The following EPDR1 variants were observed in gnomAD, a reference collection of about 807,000 sequenced individuals.
The protein encoded by EPDR1 is ependymin related 1.
A neutral mutation model predicts 23.7 loss-of-function variants in EPDR1; 27 were observed. That is an observed-to-expected ratio of 1.14 (90% CI 0.84 to 1.57). The LOEUF (loss-of-function observed/expected upper bound fraction) is 1.57, where lower values mean the gene tolerates loss of function less well. EPDR1 is among the 40% of genes most tolerant of loss of function. The pLI is 0.00. For missense variants in EPDR1, 349 were observed against 290.4 expected, an observed-to-expected ratio of 1.20 and a Z score of -1.47; for synonymous variants, 137 against 118.2, an observed-to-expected ratio of 1.16 and a Z score of -1.03.
rs1399603390 is a variant in EPDR1, at chr7:37,936,035, T to TAC, written c.270-12804_270-12803insCA. Among the ~76,000 whole-genome samples, 64 of 95,134 alleles carry TAC rather than the reference T, an allele frequency of 6.7e-4. 6 individuals carry two copies. The highest frequency in any genetic ancestry group is 2.0e-3 in the South Asian group (6 of 3,056). 62.4% of individuals were successfully genotyped at this position (95,134 alleles called of 152,430 possible). A position where few individuals can be genotyped will look rare whatever the true frequency, so the allele number is the denominator to read the frequency against. On this transcript the variant is annotated intron_variant, in intron 1 of 2. Coordinates refer to ENST00000199448, the MANE Select transcript of EPDR1 (RefSeq NM_017549.5). ...ATATATATATATATATATATATATATATATACACAAGGGAAATGTGAATCT... is the reference window on the plus strand; with the variant it reads ...ATATATATATATATATATATATATATACATATACACAAGGGAAATGTGAATCT...
chr7:37,950,146 A>G (rs537046780), intron 2 of EPDR1, 54 bp from the exon 3 acceptor site: 3 of 1,336,966 alleles, frequency 2.2e-6, no homozygotes, highest in Non-Finnish European at 2.1e-6. Context: ...AAGAAAAAAT[A>G]TGAACTTCTT....
At chr7:37,923,353 A>G (rs1188190755) in intron 1 of EPDR1, among the ~76,000 whole-genome samples, 2 of 152,206 alleles carry the variant, frequency 1.3e-5, no homozygotes, top group African/African-American at 2.4e-5. Flanking sequence ...AGGAAAATGT[A>G]CATGATTGGA....
Position 37,948,949 on chromosome 7 carries a change from A to C in EPDR1, c.379A>C (p.Ile127Leu). 6.2e-7 allele frequency: 1 copy of C among 1,614,138 alleles called. No individual in the cohort carries two copies. Among genetic ancestry groups the C allele is most frequent in the Middle Eastern group, 1.6e-4 (1 of 6,062 alleles). ...GACACAGCCCTGGGATCCTCTTGACATTCCTCAAAACTCCACCTTTGAAGA... is the reference window on the plus strand; with the variant it reads ...GACACAGCCCTGGGATCCTCTTGACCTTCCTCAAAACTCCACCTTTGAAGA... Reference protein sequence around the residue: ...TLTQPWDPLDIPQNSTFEDQY... With the variant: ...TLTQPWDPLDLPQNSTFEDQY... The change falls in exon 2 of 3, where the codon ATT becomes CTT. Residue 127 changes from isoleucine (I) to leucine (L), a missense_variant. Ile to Leu is a conservative substitution (Grantham distance 5). Coordinates refer to ENST00000199448, the MANE Select transcript of EPDR1 (RefSeq NM_017549.5).
intron 1 of EPDR1, among the ~76,000 whole-genome samples, chr7:37,923,174 C>T (rs1436841768): frequency 6.6e-6 from 1 of 152,154 alleles, no homozygotes; most frequent in Non-Finnish European, 1.5e-5. Context: ...CTTAAGAATG[C>T]ATTCCCAAGA....
At chr7:37,948,127 A>G (rs1786317934) in intron 1 of EPDR1, among the ~76,000 whole-genome samples, 1 of 152,166 alleles carries the variant, frequency 6.6e-6, no homozygotes, top group Admixed American at 6.5e-5. Flanking sequence ...TCCTATGTTC[A>G]GTATACCCCC....
intron 1 of EPDR1, among the ~76,000 whole-genome samples, chr7:37,948,530 A>G (rs1031675294): frequency 6.6e-6 from 1 of 151,866 alleles, no homozygotes; most frequent in Non-Finnish European, 1.5e-5. Context: ...TTTTTTTTCT[A>G]GAGACAGGGG....
chr7:37,929,289 A>G (rs972958142), intron 1 of EPDR1, among the ~76,000 whole-genome samples: 1 of 152,122 alleles, frequency 6.6e-6, no homozygotes, highest in Non-Finnish European at 1.5e-5. Context: ...TCCCTCATGC[A>G]CAATAAGGCT....
intron 1 of EPDR1, among the ~76,000 whole-genome samples, chr7:37,947,192 A>G (rs1364937460): frequency 6.6e-6 from 1 of 152,144 alleles, no homozygotes; most frequent in African/African-American, 2.4e-5. Context: ...ATTTTATCCC[A>G]TATTTTTACT....
chr7:37,946,025 T>C (rs1786268259), intron 1 of EPDR1, among the ~76,000 whole-genome samples: 1 of 152,228 alleles, frequency 6.6e-6, no homozygotes, highest in South Asian at 2.1e-4. Context: ...GGCTTCCAAC[T>C]CCATCCATGT....
chr7:37,937,544 C>G (rs867469098), intron 1 of EPDR1, among the ~76,000 whole-genome samples: 1 of 152,050 alleles, frequency 6.6e-6, no homozygotes, highest in African/African-American at 2.4e-5. Context: ...ACAGTCAGTT[C>G]ATGGAAAAAT....
chr7:37,926,298 C>T lies in EPDR1; in HGVS notation c.269+5090C>T, dbSNP rs1583662037. 2.0e-5 allele frequency among the ~76,000 whole-genome samples: 3 copies of T among 152,056 alleles called. No individual in the cohort carries two copies. In the South Asian group the frequency reaches 6.2e-4, roughly 32 times the overall value. On this transcript the variant is annotated intron_variant, in intron 1 of 2. Transcript: ENST00000199448. ...GCCTGAACTGTTTGATAGTAAGTTG[C>T]CAAACTGATATACCCACGATCCCCA... is the stretch of plus-strand genomic sequence containing the variant.
rs35752051 is a variant in EPDR1 at position 37,937,985 on chromosome 7, A to ATTTTTTTTTTTTTTTTT, written c.270-10848_270-10832dup. 2.8e-4 allele frequency among the ~76,000 whole-genome samples: 20 copies of ATTTTTTTTTTTTTTTTT among 72,404 alleles called. 2 individuals carry two copies. Among genetic ancestry groups the ATTTTTTTTTTTTTTTTT allele is most frequent in the South Asian group, 1.4e-3 (2 of 1,450 alleles). The allele number at this position is 72,404 out of a possible 152,430, so 47.5% of individuals were successfully genotyped here. The stretch of plus-strand genomic sequence containing the variant: ...CTGAAGAAAAATGGGTGCCCTTTAA[A>ATTTTTTTTTTTTTTTTT]TTTTTTTTTTTTTTTTTTTTTTTGA... On this transcript the variant is annotated intron_variant, in intron 1 of 2. Transcript: ENST00000199448.
Position 37,950,376 on chromosome 7 carries a change from A to C in EPDR1, c.655A>C (p.Ser219Arg), listed in dbSNP as rs77995880. 6,115 of 1,613,112 alleles carry C rather than the reference A, an allele frequency of 3.8e-3. 203 individuals are homozygous for C. In the African/African-American group the frequency reaches 0.071, roughly 19 times the overall value. The change falls in exon 3 of 3, where the codon AGC (serine) becomes CGC (arginine). Residue 219 changes from serine (S) to arginine (R), a missense_variant. Physicochemically the swap from Ser to Arg is moderately radical, Grantham distance 110 (BLOSUM62 -1). Coordinates refer to ENST00000199448, the MANE Select transcript of EPDR1 (RefSeq NM_017549.5). The stretch of plus-strand genomic sequence containing the variant: ...CCAGATGGCCCAACTGGAGAAGATG[A>C]GCGAAGACTGCTCCTGGTGAGCCTG... ...TCQMAQLEKM[S>R]EDCSW
At chr7:37,936,136 T>G (rs1786047210) in intron 1 of EPDR1, among the ~76,000 whole-genome samples, 1 of 71,672 alleles carries the variant, frequency 1.4e-5, no homozygotes, top group Admixed American at 1.6e-4. Context: ...AATAGCAGAC[T>G]AAGTCCAACA....
intron 1 of EPDR1, among the ~76,000 whole-genome samples, chr7:37,934,466 G>C (rs1432914269): frequency 6.7e-6 from 1 of 149,076 alleles, no homozygotes; most frequent in Non-Finnish European, 1.5e-5. Flanking sequence ...TTTTTCCTTT[G>C]AGAAAAAGGA....
chr7:37,947,615 A>C (rs1033149739), intron 1 of EPDR1, among the ~76,000 whole-genome samples: 2 of 152,168 alleles, frequency 1.3e-5, no homozygotes, highest in Non-Finnish European at 1.5e-5. Context: ...TTATTTGCTG[A>C]TGACAAGTCA....
intron 1 of EPDR1, among the ~76,000 whole-genome samples, chr7:37,936,966 G>C (rs1013696252): frequency 4.6e-5 from 7 of 152,118 alleles, no homozygotes; most frequent in African/African-American, 1.7e-4. Flanking sequence ...CGTTGGAAAA[G>C]AAGGACACAA....
At position 37,948,900 on chromosome 7, in the gene EPDR1, C is replaced by T. The variant is rs1361970640; in HGVS notation, c.330C>T (p.Thr110=). The part of the protein sequence containing the change: ...DGVMFQIDQA[T]KQCSKMTLTQ... ...TGATGTTTCAGATTGACCAAGCCACCAAGCAGTGCTCAAAGATGACCCTGA... is the reference window on the plus strand; with the variant it reads ...TGATGTTTCAGATTGACCAAGCCACTAAGCAGTGCTCAAAGATGACCCTGA... The change falls in exon 2 of 3, where the codon ACC becomes ACT. Residue 110 remains threonine (T), a synonymous_variant. Coordinates refer to ENST00000199448, the MANE Select transcript of EPDR1 (RefSeq NM_017549.5). The T allele has an allele frequency of 1.9e-6, 3 of 1,614,058 alleles. No homozygotes were observed. Among genetic ancestry groups the T allele is most frequent in the Non-Finnish European group, 2.5e-6 (3 of 1,179,990 alleles).
At chr7:37,933,296 C>A (rs1785980473) in intron 1 of EPDR1, among the ~76,000 whole-genome samples, 1 of 152,142 alleles carries the variant, frequency 6.6e-6, no homozygotes, top group Admixed American at 6.5e-5. Context: ...AAGCCAAAGT[C>A]CTTTTGTAAT....
Sources: gnomAD v4.1 joint callset for allele counts (sites outside exome capture counted in the v4.1 genomes callset) on GRCh38, gnomAD v4.1.1 for gene constraint, MANE v1.5 for transcripts, NCBI Gene and HGNC (gene_info 2026-07-23, HGNC 2026-07-21) for gene names.